OR9Q1: variants seen among roughly 807,000 people sequenced by gnomAD.
OR9Q1 encodes the protein olfactory receptor family 9 subfamily Q member 1.
For synonymous variants in OR9Q1, 153 were observed against 148.6 expected (o/e 1.03, Z -0.22); for missense variants, 374 against 378.8 (o/e 0.99, Z 0.11).
chr11:58,095,538 T>C (rs1381431558), intron 2 of OR9Q1, among the ~76,000 whole-genome samples: 1 of 152,206 alleles, frequency 6.6e-6, no homozygotes, highest in Non-Finnish European at 1.5e-5. Flanking sequence ...CGTAAACTTA[T>C]AATCATGGTG....
At chr11:58,050,721 G>C (rs1192988640) in intron 1 of OR9Q1, among the ~76,000 whole-genome samples, 1 of 113,450 alleles carries the variant, frequency 8.8e-6, no homozygotes, top group African/African-American at 3.0e-5. Flanking sequence ...CTAACATCCA[G>C]AATCTACAAT....
intron 2 of OR9Q1, chr11:58,125,492 TAAGCATTTTG>T (rs1388176556): frequency 6.6e-6 from 1 of 152,212 alleles, no homozygotes; most frequent in African/African-American, 2.4e-5. Context: ...TAAGGTTGTT[TAAGCATTTTG>T]TAGAAAGCAG....
At chr11:58,098,263 A>G (rs1590588596) in intron 2 of OR9Q1, among the ~76,000 whole-genome samples, 2 of 152,190 alleles carry the variant, frequency 1.3e-5, no homozygotes, top group Non-Finnish European at 2.9e-5. Context: ...TTTCTTTAAC[A>G]GGATATATGA....
intron 2 of OR9Q1, chr11:58,119,164 T>A: frequency 6.2e-7 from 1 of 1,614,034 alleles, no homozygotes; most frequent in East Asian, 2.2e-5. Context: ...ACAGTGGCCG[T>A]AGGAGATGAC....
chr11:58,155,053 C>G (rs1854393393), intron 2 of OR9Q1, among the ~76,000 whole-genome samples: 1 of 152,192 alleles, frequency 6.6e-6, no homozygotes, highest in African/African-American at 2.4e-5. Context: ...GTCTACCTAT[C>G]TATCTAGATT....
At chr11:58,111,292 G>C (rs1853896753) in intron 2 of OR9Q1, among the ~76,000 whole-genome samples, 6 of 152,116 alleles carry the variant, frequency 3.9e-5, no homozygotes, top group Admixed American at 3.9e-4. Context: ...TTAAGGAGAT[G>C]CTCAGGACCT....
At chr11:58,036,600 C>T (rs928722162) in intron 1 of OR9Q1, among the ~76,000 whole-genome samples, 1 of 152,174 alleles carries the variant, frequency 6.6e-6, no homozygotes, top group Non-Finnish European at 1.5e-5. Context: ...ACTCATGACT[C>T]ATGGGAGGAG....
chr11:58,154,379 A>ATTTTTTTTT (rs3085835), intron 2 of OR9Q1, among the ~76,000 whole-genome samples: 1 of 140,954 alleles, frequency 7.1e-6, no homozygotes. Context: ...AATGCAATGG[A>ATTTTTTTTT]TTTTTTTTTT....
At chr11:58,079,485 A>G (rs982812235) in intron 2 of OR9Q1, among the ~76,000 whole-genome samples, 3 of 152,150 alleles carry the variant, frequency 2.0e-5, no homozygotes, top group African/African-American at 7.2e-5. Flanking sequence ...AGGAGATTGC[A>G]AAAGTGGCCA....
intron 2 of OR9Q1, among the ~76,000 whole-genome samples, chr11:58,093,759 CAAAA>C (rs71061572): frequency 1.4e-4 from 5 of 35,560 alleles, no homozygotes; most frequent in Admixed American, 6.5e-4. Flanking sequence ...GACTTCATCT[CAAAA>C]AAAAAAAAAA....
intron 1 of OR9Q1, among the ~76,000 whole-genome samples, chr11:58,037,690 T>TATATATATATATATAG (rs1232679301): frequency 3.2e-3 from 30 of 9,344 alleles, no homozygotes; most frequent in African/African-American, 4.5e-3. Flanking sequence ...TATATATATA[T>TATATATATATATATAG]TTTTTTTTTT....
rs535927788 is a variant in OR9Q1 at position 58,105,568 on chromosome 11, G to T, written c.-15+49621G>T. ...TACAAAACTTTATTGTTAACTATAG[G>T]CTCTAGGTTGTGCAGTAGATCTCTG... On this transcript the variant is annotated intron_variant, in intron 2 of 2. Transcript: ENST00000335397. Among the ~76,000 whole-genome samples the T allele has an allele frequency of 5.9e-4, 89 of 152,046 alleles. 1 individual carries two copies. The highest frequency in any genetic ancestry group is 3.4e-3 in the Middle Eastern group (1 of 294).
chr11:58,090,812 A>G (rs1853676882), intron 2 of OR9Q1, among the ~76,000 whole-genome samples: 1 of 152,100 alleles, frequency 6.6e-6, no homozygotes. Context: ...TACTGCCTGA[A>G]TTTCAGAACT....
chr11:58,082,929 A>G (rs906396304), intron 2 of OR9Q1, among the ~76,000 whole-genome samples: 5 of 149,720 alleles, frequency 3.3e-5, no homozygotes, highest in Non-Finnish European at 1.5e-5. Flanking sequence ...ATATCTCCTA[A>G]AGCTATCCCT....
intron 2 of OR9Q1, among the ~76,000 whole-genome samples, chr11:58,063,451 GC>G (rs1853399158): frequency 6.6e-6 from 1 of 152,102 alleles, no homozygotes; most frequent in Non-Finnish European, 1.5e-5. Flanking sequence ...TTGAACACAT[GC>G]AAAGGATCTA....
chr11:58,176,898 G>T (rs1854611839), intron 2 of OR9Q1, among the ~76,000 whole-genome samples: 1 of 152,044 alleles, frequency 6.6e-6, no homozygotes, highest in Non-Finnish European at 1.5e-5. Context: ...CCAAGCAGTG[G>T]GTGAGAAATG....
chr11:58,116,502 T>C (rs142770631), intron 2 of OR9Q1, among the ~76,000 whole-genome samples: 1 of 152,352 alleles, frequency 6.6e-6, no homozygotes, highest in Non-Finnish European at 1.5e-5. Flanking sequence ...AGTGGTATCA[T>C]AGTTTTAAAT....
chr11:58,169,454 G>A (rs1854535243), intron 2 of OR9Q1, among the ~76,000 whole-genome samples: 1 of 151,612 alleles, frequency 6.6e-6, no homozygotes, highest in Non-Finnish European at 1.5e-5. Flanking sequence ...CTTTTTCATG[G>A]TTCTCTTTCC....
chr11:58,154,763 A>G (rs1022900634), intron 2 of OR9Q1, among the ~76,000 whole-genome samples: 32 of 152,204 alleles, frequency 2.1e-4, no homozygotes, highest in African/African-American at 7.5e-4. Flanking sequence ...ATTTAAAAAG[A>G]AAGTTTCCCA....
Sources: gnomAD v4.1 joint callset for allele counts (sites outside exome capture counted in the v4.1 genomes callset) on GRCh38, gnomAD v4.1.1 for gene constraint, MANE v1.5 for transcripts, NCBI Gene and HGNC (gene_info 2026-07-23, HGNC 2026-07-21) for gene names.